The following DLC1 variants were observed in gnomAD, a reference collection of about 807,000 sequenced individuals.
DLC1 encodes the protein DLC1 Rho GTPase activating protein, also known as rho GTPase-activating protein 7.
A neutral mutation model predicts 140.3 loss-of-function variants in DLC1; 54 were observed. That is an observed-to-expected ratio of 0.38 (90% CI 0.31 to 0.48). The LOEUF is 0.48. DLC1 is among the 20% of genes least tolerant of loss of function. The pLI is 0.96. For synonymous variants in DLC1, 986 were observed against 728.1 expected (o/e 1.35, Z -5.70); for missense variants, 2,536 against 1,907.0 (o/e 1.33, Z -6.14).
chr8:13,567,320 A>G (rs1386171379), intron 1 of DLC1: 1 of 1,551,614 alleles, frequency 6.4e-7, no homozygotes, highest in Non-Finnish European at 8.7e-7. Context: ...CTTCCAACAG[A>G]AATCACTCGG....
intron 6 of DLC1, among the ~76,000 whole-genome samples, chr8:13,111,397 A>G (rs1820098808): frequency 6.6e-6 from 1 of 152,196 alleles, no homozygotes; most frequent in Non-Finnish European, 1.5e-5. Flanking sequence ...GAATTGATAT[A>G]ACTCCCCTAA....
chr8:13,488,522 T>C (rs1801076598), intron 2 of DLC1, among the ~76,000 whole-genome samples: 1 of 152,112 alleles, frequency 6.6e-6, no homozygotes, highest in African/African-American at 2.4e-5. Flanking sequence ...ACAGAACAGT[T>C]AAAATGCCAC....
chr8:13,207,654 A>T (rs1827736356), intron 5 of DLC1, among the ~76,000 whole-genome samples: 1 of 152,116 alleles, frequency 6.6e-6, no homozygotes, highest in Non-Finnish European at 1.5e-5. Flanking sequence ...CATGAACGTT[A>T]TTTAGAGTAG....
chr8:13,595,348 C>T (rs927140791), intron 1 of DLC1, among the ~76,000 whole-genome samples: 3 of 151,948 alleles, frequency 2.0e-5, no homozygotes, highest in African/African-American at 4.8e-5. Context: ...AACTGTCTTA[C>T]CAACATCAGT....
intron 1 of DLC1, among the ~76,000 whole-genome samples, chr8:13,585,826 A>G (rs1005087108): frequency 6.6e-6 from 1 of 152,178 alleles, no homozygotes; most frequent in Admixed American, 6.5e-5. Flanking sequence ...CACTGGGTGT[A>G]TTAAAGAACT....
At chr8:13,245,819 G>C (rs1046678970) in intron 5 of DLC1, among the ~76,000 whole-genome samples, 9 of 151,972 alleles carry the variant, frequency 5.9e-5, no homozygotes, top group African/African-American at 2.2e-4. Flanking sequence ...TCTTGCCTCA[G>C]CCTCCCATGT....
intron 1 of DLC1, among the ~76,000 whole-genome samples, chr8:13,512,755 T>C (rs181283212): frequency 7.2e-5 from 11 of 152,200 alleles, no homozygotes; most frequent in African/African-American, 2.6e-4. Context: ...AGAAAAGCTG[T>C]TTTCTAGCCC....
intron 1 of DLC1, among the ~76,000 whole-genome samples, chr8:13,581,848 G>C (rs1334568429): frequency 2.6e-5 from 4 of 151,946 alleles, no homozygotes; most frequent in African/African-American, 7.3e-5. Context: ...CATGTTTTCG[G>C]TTTTGTTTTC....
chr8:13,309,768 G>C (rs995245846), intron 4 of DLC1, among the ~76,000 whole-genome samples: 1 of 152,142 alleles, frequency 6.6e-6, no homozygotes, highest in African/African-American at 2.4e-5. Context: ...CCGCACAGAA[G>C]CTGCTAACGT....
intron 1 of DLC1, among the ~76,000 whole-genome samples, chr8:13,552,056 C>CATAT: frequency 8.6e-6 from 1 of 116,720 alleles, no homozygotes; most frequent in African/African-American, 3.2e-5. Context: ...TATATATACA[C>CATAT]ATATATATAT....
Position 13,092,728 on chromosome 8 carries a change from C to T in DLC1, c.3624G>A (p.Leu1208=). Residue 1208 remains leucine (L), a synonymous_variant, in exon 13 of 18, where the codon CTG becomes CTA. Transcript: ENST00000276297. ...CTTTTACGGCTGCTGTGACATCGCTCAGGAAATAAAGCAGGGTCTGCAGAA... is the reference window on the plus strand; with the variant it reads ...CTTTTACGGCTGCTGTGACATCGCTTAGGAAATAAAGCAGGGTCTGCAGAA... ...REVLQTLLYF[L]SDVTAAVKEN... 8 of 1,614,132 alleles carry T rather than the reference C, an allele frequency of 5.0e-6. No homozygotes were observed. The highest frequency in any genetic ancestry group is 6.8e-6 in the Non-Finnish European group (8 of 1,180,030).
At position 13,436,516 on chromosome 8, in the gene DLC1, A is replaced by AT. The variant is rs200714436; in HGVS notation, c.1024-34898dup. 4.1e-3 allele frequency among the ~76,000 whole-genome samples: 630 copies of AT among 151,956 alleles called. 3 individuals carry two copies. The highest frequency in any genetic ancestry group is 0.014 in the African/African-American group (566 of 41,488). ...ACTTGTCTATAAAACAGGTTCTTAG[A>AT]TTTTTTTTTAAAATGTCATTGTCCG... On this transcript the variant is annotated intron_variant, in intron 2 of 17. Coordinates refer to ENST00000276297, the MANE Select transcript of DLC1 (RefSeq NM_182643.3).
At chr8:13,341,993 G>C (rs1331682748) in intron 4 of DLC1, 1 of 152,150 alleles carries the variant, frequency 6.6e-6, no homozygotes, top group Non-Finnish European at 1.5e-5. Flanking sequence ...TAGTAATAAA[G>C]ATGCTCTTTA....
At chr8:13,562,930 A>G (rs1463744121) in intron 1 of DLC1, among the ~76,000 whole-genome samples, 2 of 152,120 alleles carry the variant, frequency 1.3e-5, no homozygotes, top group Middle Eastern at 3.2e-3. Flanking sequence ...AACGCCATAA[A>G]GCAATGTGTA....
Position 13,406,198 on chromosome 8 carries a change from T to TTTTTTTTTC in DLC1, c.1024-4580_1024-4579insGAAAAAAAA, listed in dbSNP as rs564377892. ...ATTTTTGTGTTTTTTTTTTTTTTTT[T>TTTTTTTTTC]CAGTGGAGACAGGGTTTCACTGTGT... On this transcript the variant is annotated intron_variant, in intron 2 of 17. Transcript: ENST00000276297. Among the ~76,000 whole-genome samples, 4 of 142,644 alleles carry TTTTTTTTTC rather than the reference T, an allele frequency of 2.8e-5. No individual in the cohort carries two copies. In the East Asian group the frequency reaches 8.7e-4, roughly 31 times the overall value. The allele number at this position is 142,644 out of a possible 152,430, so 93.6% of individuals were successfully genotyped here.
intron 4 of DLC1, among the ~76,000 whole-genome samples, chr8:13,366,918 G>A (rs139350837): frequency 1.3e-5 from 2 of 152,028 alleles, no homozygotes; most frequent in Non-Finnish European, 2.9e-5. Context: ...TGCATTCCTC[G>A]ATGTGTTGCA....
intron 2 of DLC1, among the ~76,000 whole-genome samples, chr8:13,443,489 C>A (rs1327460649): frequency 6.6e-6 from 1 of 151,050 alleles, no homozygotes. Context: ...GAAACCCCGT[C>A]TCTACTAAAT....
At chr8:13,531,612 A>T (rs1042740001) in intron 1 of DLC1, among the ~76,000 whole-genome samples, 1 of 152,030 alleles carries the variant, frequency 6.6e-6, no homozygotes, top group African/African-American at 2.4e-5. Context: ...AACCCTTAAT[A>T]CTAGCAACTC....
intron 4 of DLC1, among the ~76,000 whole-genome samples, chr8:13,354,595 C>T (rs1166697999): frequency 6.6e-5 from 10 of 152,162 alleles, no homozygotes; most frequent in East Asian, 1.9e-4. Flanking sequence ...TTTCACTTTT[C>T]GGAATGCCAC....
Sources: allele counts gnomAD v4.1 joint callset (sites outside exome capture counted in the v4.1 genomes callset), GRCh38; gene constraint gnomAD v4.1.1; transcripts MANE v1.5; gene names NCBI Gene and HGNC (gene_info 2026-07-23, HGNC 2026-07-21).